The following C10orf53 variants were observed in gnomAD, a reference collection of about 807,000 sequenced individuals.
The protein encoded by C10orf53 is UPF0728 protein C10orf53.
C10orf53 carries 8 observed loss-of-function variants against 9.4 expected under a neutral mutation model. That is an observed-to-expected ratio of 0.85 (90% CI 0.50 to 1.53). The LOEUF is 1.53. Among genes scored for constraint, C10orf53 ranks in the 40% most tolerant of loss-of-function variants. The probability of loss-of-function intolerance (pLI) is 0.00; values close to 1 mark genes in which losing one functional copy is unlikely to be tolerated. For synonymous variants in C10orf53, 48 were observed against 46.0 expected (o/e 1.04, Z -0.18); for missense variants, 117 against 117.8 (o/e 0.99, Z 0.03).
intron 1 of C10orf53, among the ~76,000 whole-genome samples, chr10:49,693,277 C>A (rs1840601966): frequency 6.6e-6 from 1 of 152,174 alleles, no homozygotes; most frequent in Non-Finnish European, 1.5e-5. Context: ...TTGCAAAAAT[C>A]TGCCTGTATT....
chr10:49,685,449 A>C (rs1198887869), intron 1 of C10orf53, among the ~76,000 whole-genome samples: 1 of 152,188 alleles, frequency 6.6e-6, no homozygotes, highest in African/African-American at 2.4e-5. Flanking sequence ...AACTTAAAAT[A>C]TTTTCAACTT....
At chr10:49,684,020 T>G (rs574491178) in intron 1 of C10orf53, among the ~76,000 whole-genome samples, 135 of 152,356 alleles carry the variant, frequency 8.9e-4, no homozygotes, top group Non-Finnish European at 1.5e-3. Flanking sequence ...TTTTTGTATA[T>G]GGTGTAATGT....
At position 49,694,982 on chromosome 10, in the gene C10orf53, A is replaced by C; in HGVS notation, c.*380A>C. ...ATTGTTTAGTACTCAAAGTGCTCAG[A>C]ACAGGTGAAATTAAAGAGAGGTTGG... On this transcript the variant is annotated 3_prime_UTR_variant, in exon 3 of 3. Transcript: ENST00000374111. 1.0e-6 allele frequency: 1 copy of C among 995,922 alleles called. No individual in the cohort carries two copies. 61.7% of individuals were successfully genotyped at this position (995,922 alleles called of 1,614,324 possible).
At position 49,708,245 on chromosome 10, in the gene C10orf53, G is replaced by C. The variant is rs1056097437; in HGVS notation, c.218-116G>C. ...AAGAATATAGGAAATATATTGGTTT[G>C]TATACCTGAAAAGTCCAGCTATAGG... On this transcript the variant is annotated intron_variant, in intron 2 of 2. Transcript: ENST00000374112. The C allele has an allele frequency of 3.4e-6, 5 of 1,452,068 alleles. No homozygotes were observed. In the South Asian group the frequency reaches 4.3e-5, roughly 12 times the overall value. 89.9% of individuals were successfully genotyped at this position (1,452,068 alleles called of 1,614,324 possible). A position where few individuals can be genotyped will look rare whatever the true frequency, so the allele number is the denominator to read the frequency against.
intron 1 of C10orf53, among the ~76,000 whole-genome samples, chr10:49,684,633 T>C (rs1387082289): frequency 2.0e-5 from 3 of 152,238 alleles, no homozygotes. Flanking sequence ...GGAATTGTTT[T>C]CTTTATCTCC....
Position 49,690,266 on chromosome 10 carries a change from G to A in C10orf53, c.98-3508G>A, listed in dbSNP as rs887615509. Among the ~76,000 whole-genome samples the A allele has an allele frequency of 2.0e-5, 3 of 152,306 alleles. No individual in the cohort carries two copies. In the East Asian group the frequency reaches 5.8e-4, roughly 29 times the overall value. ...AAGTCAGTTCTGTGTTTCGATGAAT[G>A]ATAAGTCATGTAATACCGGCAGCCA... On this transcript the variant is annotated intron_variant, in intron 1 of 2. Transcript: ENST00000374111.
intron 1 of C10orf53, among the ~76,000 whole-genome samples, chr10:49,684,070 C>T (rs1398935089): frequency 6.6e-6 from 1 of 152,114 alleles, no homozygotes; most frequent in Non-Finnish European, 1.5e-5. Context: ...ATATGGATAT[C>T]CAATTATCCC....
chr10:49,693,037 T>C (rs1840599327), intron 1 of C10orf53, among the ~76,000 whole-genome samples: 2 of 152,198 alleles, frequency 1.3e-5, no homozygotes, highest in African/African-American at 2.4e-5. Flanking sequence ...TTTGAATTCA[T>C]ATTGACTATA....
rs1268954212 is a variant in C10orf53 at position 49,679,779 on chromosome 10, C to T, written c.82C>T (p.Leu28=). The T allele has an allele frequency of 1.3e-6, 2 of 1,541,204 alleles. No homozygotes were observed. The highest frequency in any genetic ancestry group is 2.5e-5 in the East Asian group (1 of 40,226). ...GLPVEHHTFR[L]QGLQAVLAID... is the part of the protein sequence containing the mutation. ...ACCGGTGGAGCACCACACCTTCCGCCTGCAGGGCCTGCAAGGTGGGCCTCC... is the reference window on the plus strand; with the variant it reads ...ACCGGTGGAGCACCACACCTTCCGCTTGCAGGGCCTGCAAGGTGGGCCTCC... The change falls in exon 1 of 3, where the codon CTG becomes TTG. Residue 28 remains leucine, a synonymous_variant. Transcript: ENST00000374111.
At chr10:49,708,244 T>G in intron 2 of C10orf53, 3 of 1,449,380 alleles carry the variant, frequency 2.1e-6, no homozygotes, top group Non-Finnish European at 2.8e-6. Context: ...TATATTGGTT[T>G]GTATACCTGA....
At chr10:49,708,764 C>A in exon 3 of C10orf53, 1 of 1,223,006 alleles carries the variant, frequency 8.2e-7, no homozygotes, top group Non-Finnish European at 1.1e-6. Flanking sequence ...AGATGTCCCA[C>A]AGGCAACCTG....
Position 49,681,751 on chromosome 10 carries a change from G to A in C10orf53, c.97+1957G>A, listed in dbSNP as rs74850791. Among the ~76,000 whole-genome samples, 332 of 152,208 alleles carry A rather than the reference G, an allele frequency of 2.2e-3. 4 individuals carry two copies. The highest frequency in any genetic ancestry group is 7.4e-3 in the African/African-American group (306 of 41,526). On this transcript the variant is annotated intron_variant, in intron 1 of 2. Transcript: ENST00000374111. ...CCTGGTGGGATTATATGGGGAGAGC[G>A]GGGAGCAAGCTCACTGGTGTCTCTT...
At chr10:49,703,339 T>TA (rs1840697953) in intron 2 of C10orf53, among the ~76,000 whole-genome samples, 1 of 152,182 alleles carries the variant, frequency 6.6e-6, no homozygotes, top group Admixed American at 6.5e-5. Flanking sequence ...GGGCAGAAAT[T>TA]ATATCATATC....
intron 1 of C10orf53, among the ~76,000 whole-genome samples, chr10:49,684,321 G>T (rs917102186): frequency 1.3e-5 from 2 of 152,156 alleles, no homozygotes; most frequent in Non-Finnish European, 2.9e-5. Context: ...TTTTTCTCAA[G>T]ATTGTTTTAT....
chr10:49,683,170 A>G (rs1840496161), intron 1 of C10orf53, among the ~76,000 whole-genome samples: 1 of 152,240 alleles, frequency 6.6e-6, no homozygotes. Context: ...TTACATTCCC[A>G]CTAGCAATGC....
chr10:49,683,571 T>C (rs1590638377), intron 1 of C10orf53, among the ~76,000 whole-genome samples: 1 of 152,218 alleles, frequency 6.6e-6, no homozygotes, highest in Non-Finnish European at 1.5e-5. Flanking sequence ...GCCTGTGATA[T>C]GCTGTTTAAG....
At chr10:49,687,801 G>C (rs896278585) in intron 1 of C10orf53, among the ~76,000 whole-genome samples, 1 of 152,222 alleles carries the variant, frequency 6.6e-6, no homozygotes, top group Non-Finnish European at 1.5e-5. Flanking sequence ...TGCAACAGGA[G>C]AGTCCAGCCT....
intron 1 of C10orf53, among the ~76,000 whole-genome samples, chr10:49,688,470 C>A (rs1840550289): frequency 6.6e-6 from 1 of 152,074 alleles, no homozygotes; most frequent in African/African-American, 2.4e-5. Flanking sequence ...GCAGTTTGTT[C>A]TCAGTAACAC....
chr10:49,686,706 T>C (rs1248525547), intron 1 of C10orf53, among the ~76,000 whole-genome samples: 8 of 152,176 alleles, frequency 5.3e-5, no homozygotes, highest in Admixed American at 5.2e-4. Flanking sequence ...CTTACTAGGA[T>C]TGAGAAATTC....
Sources: allele counts gnomAD v4.1 joint callset (sites outside exome capture counted in the v4.1 genomes callset), GRCh38; gene constraint gnomAD v4.1.1; transcripts MANE v1.5; gene names NCBI Gene and HGNC (gene_info 2026-07-23, HGNC 2026-07-21).